The following KLF12 variants were observed in gnomAD, a reference collection of about 807,000 sequenced individuals.
KLF12 encodes KLF transcription factor 12.
A neutral mutation model predicts 37.8 loss-of-function variants in KLF12; 9 were observed. That is an observed-to-expected ratio of 0.24 (90% confidence interval 0.14 to 0.42). The LOEUF (loss-of-function observed/expected upper bound fraction) is 0.42, where lower values mean the gene tolerates loss of function less well. Among genes scored for constraint, KLF12 ranks in the 10% least tolerant of loss-of-function variants. The probability of loss-of-function intolerance (pLI) is 1.00; values close to 1 mark genes in which losing one functional copy is unlikely to be tolerated. For missense variants in KLF12, 411 were observed against 516.0 expected, an observed-to-expected ratio of 0.80 and a Z score of 1.97; for synonymous variants, 208 against 202.1, an observed-to-expected ratio of 1.03 and a Z score of -0.25.
At chr13:73,874,399 T>C (rs1886608888) in intron 3 of KLF12, among the ~76,000 whole-genome samples, 1 of 152,186 alleles carries the variant, frequency 6.6e-6, no homozygotes, top group African/African-American at 2.4e-5. Context: ...TACCATAAAT[T>C]AGAAAAGATT....
At chr13:73,956,689 G>A (rs1292693091) in intron 2 of KLF12, among the ~76,000 whole-genome samples, 1 of 152,096 alleles carries the variant, frequency 6.6e-6, no homozygotes, top group African/African-American at 2.4e-5. Flanking sequence ...GGGAGGCCAA[G>A]GCAGGAGGAC....
At chr13:74,197,914 C>G in the KLF12 span, among the ~76,000 whole-genome samples, 1 of 151,930 alleles carries the variant, frequency 6.6e-6, no homozygotes, top group Non-Finnish European at 1.5e-5. Flanking sequence ...ATCAGGCTTG[C>G]GTTTCAAAGC....
At position 73,695,651 on chromosome 13, in the gene KLF12, T is replaced by A; in HGVS notation, c.1048A>T (p.Thr350Ser). The change falls in exon 8 of 8, where the codon ACC (threonine) becomes TCC (serine). Residue 350 changes from threonine to serine, a missense_variant. Transcript: ENST00000377669. ...AACTTCCAGGTGCAGCCTTCCCAGG[T>A]ACACTTGTAAGGTTTCTCTCCTGGA... 1 of 1,614,050 alleles carries A rather than the reference T, an allele frequency of 6.2e-7. No homozygotes were observed. Among genetic ancestry groups the A allele is most frequent in the Non-Finnish European group, 8.5e-7 (1 of 1,179,936 alleles).
chr13:73,800,458 T>C (rs1466495914), intron 5 of KLF12: 2 of 152,066 alleles, frequency 1.3e-5, no homozygotes, highest in Non-Finnish European at 2.9e-5. Context: ...TCATTTGAAT[T>C]GCTTCTATAA....
chr13:73,722,048 A>C (rs1028068815), intron 6 of KLF12, among the ~76,000 whole-genome samples: 2 of 152,284 alleles, frequency 1.3e-5, no homozygotes, highest in Admixed American at 1.3e-4. Flanking sequence ...AATTACCTTA[A>C]GGGAAGTGGG....
chr13:74,132,718 T>C lies in KLF12; in HGVS notation c.-32+1021A>G, dbSNP rs373314526. On this transcript the variant is annotated intron_variant, in intron 1 of 7. Transcript: ENST00000377669. ...AACTCGAAGCGCAGGGTGAAGGGGG[T>C]TGGGAAGCTGCAGGGCATATAACAA... is the stretch of plus-strand genomic sequence containing the variant. 7.2e-5 allele frequency among the ~76,000 whole-genome samples: 11 copies of C among 151,812 alleles called. No individual in the cohort carries two copies. In the East Asian group the frequency reaches 1.4e-3, roughly 19 times the overall value.
chr13:73,938,652 C>T (rs768712755), intron 3 of KLF12, among the ~76,000 whole-genome samples: 1 of 152,200 alleles, frequency 6.6e-6, no homozygotes, highest in Non-Finnish European at 1.5e-5. Context: ...CTTCATGATG[C>T]TAGTCAGCTC....
At chr13:74,093,014 T>C (rs554794867) in intron 1 of KLF12, among the ~76,000 whole-genome samples, 112 of 152,110 alleles carry the variant, frequency 7.4e-4, no homozygotes, top group Non-Finnish European at 1.4e-3. Flanking sequence ...GGGAACCAGG[T>C]GGAATTTAAT....
At chr13:74,284,628 G>A in the KLF12 span, among the ~76,000 whole-genome samples, 1 of 152,266 alleles carries the variant, frequency 6.6e-6, no homozygotes, top group Non-Finnish European at 1.5e-5. Flanking sequence ...TGCTCAACTT[G>A]CTTCTAATTC....
At chr13:74,253,005 A>G in the KLF12 span, among the ~76,000 whole-genome samples, 326 of 132,874 alleles carry the variant, frequency 2.5e-3, 2 homozygotes, top group African/African-American at 0.011. Flanking sequence ...CTATCTATCT[A>G]TCTATCTATC....
At chr13:73,909,033 A>G (rs1210772702) in intron 3 of KLF12, among the ~76,000 whole-genome samples, 1 of 152,236 alleles carries the variant, frequency 6.6e-6, no homozygotes, top group East Asian at 1.9e-4. Flanking sequence ...GACCATACAG[A>G]GATCGCCCTT....
chr13:74,085,158 G>A lies in KLF12; in HGVS notation c.-32+48581C>T, dbSNP rs77797390. Among the ~76,000 whole-genome samples, 259 of 152,062 alleles carry A rather than the reference G, an allele frequency of 1.7e-3. 4 individuals carry two copies. The East Asian group carries it at 0.03, about 18-fold the overall frequency. On this transcript the variant is annotated intron_variant, in intron 1 of 7. Transcript: ENST00000377669. Reference sequence around the variant, plus strand: ...GAAAAGTACCAGCAATCAAACCCACGTGACCAAAAAAAAGCATTCTAGTTG... The same window carrying A: ...GAAAAGTACCAGCAATCAAACCCACATGACCAAAAAAAAGCATTCTAGTTG...
rs66701744 is a variant in KLF12, at chr13:73,731,536, C to CAAAAAAAAA, written c.870-16020_870-16012dup. On this transcript the variant is annotated intron_variant, in intron 6 of 7. Coordinates refer to ENST00000377669, the MANE Select transcript of KLF12 (RefSeq NM_007249.5). ...CGGGTCCATGGTAGAGGAAATTAGA[C>CAAAAAAAAA]AAAAAAAAAAAAAAAAAGCATAGTT... 4.5e-4 allele frequency among the ~76,000 whole-genome samples: 47 copies of CAAAAAAAAA among 103,398 alleles called. 3 individuals carry two copies. The highest frequency in any genetic ancestry group is 1.2e-3 in the East Asian group (4 of 3,408). The allele number at this position is 103,398 out of a possible 152,430, so 67.8% of individuals were successfully genotyped here. A position where few individuals can be genotyped will look rare whatever the true frequency, so the allele number is the denominator to read the frequency against.
intron 2 of KLF12, among the ~76,000 whole-genome samples, chr13:73,956,349 T>C (rs1462029099): frequency 6.6e-6 from 1 of 152,216 alleles, no homozygotes; most frequent in Non-Finnish European, 1.5e-5. Flanking sequence ...GGAAGTCCAT[T>C]GTTGTAACTC....
chr13:74,013,646 T>C (rs1398919052), intron 1 of KLF12, among the ~76,000 whole-genome samples: 3 of 152,152 alleles, frequency 2.0e-5, no homozygotes, highest in Non-Finnish European at 2.9e-5. Flanking sequence ...ATAAGGATCC[T>C]AGATTTCTCT....
At chr13:74,288,126 A>T in the KLF12 span, among the ~76,000 whole-genome samples, 5 of 152,172 alleles carry the variant, frequency 3.3e-5, no homozygotes, top group African/African-American at 1.2e-4. Context: ...CAGAGTTCAG[A>T]TAAAAAGGGT....
At chr13:73,963,250 G>A (rs555425922) in intron 2 of KLF12, among the ~76,000 whole-genome samples, 1 of 150,506 alleles carries the variant, frequency 6.6e-6, no homozygotes, top group Non-Finnish European at 1.5e-5. Context: ...TTTCTATACA[G>A]GTTAACAATC....
At chr13:73,866,205 A>G (rs542229633) in intron 3 of KLF12, among the ~76,000 whole-genome samples, 1 of 152,170 alleles carries the variant, frequency 6.6e-6, no homozygotes, top group Non-Finnish European at 1.5e-5. Flanking sequence ...CAGTGAGCTG[A>G]GATCACGCCA....
chr13:74,294,843 T>TCCCAAGC, the KLF12 span, among the ~76,000 whole-genome samples: 1 of 152,080 alleles, frequency 6.6e-6, no homozygotes, highest in African/African-American at 2.4e-5. Flanking sequence ...AGTAATAACC[T>TCCCAAGC]CCGATTTATC....
Sources: allele counts gnomAD v4.1 joint callset (sites outside exome capture counted in the v4.1 genomes callset), GRCh38; gene constraint gnomAD v4.1.1; transcripts MANE v1.5; gene names NCBI Gene and HGNC (gene_info 2026-07-23, HGNC 2026-07-21).